Variants in OR10R2 observed in about 807,000 individuals in gnomAD.
OR10R2 encodes the protein olfactory receptor family 10 subfamily R member 2.
Under a neutral mutation model 2.4 loss-of-function variants are expected in OR10R2, and 1 was observed. The ratio of observed to expected loss-of-function variants is 0.41; its 90% CI spans 0.15 to 1.95. OR10R2 has a LOEUF of 1.95. Ranked by LOEUF, OR10R2 falls within the 30% of genes most tolerant of loss-of-function variation. The pLI is 0.30. For synonymous variants in OR10R2, 166 were observed against 144.8 expected, an observed-to-expected ratio of 1.15 and a Z score of -1.05; for missense variants, 419 against 373.0, an observed-to-expected ratio of 1.12 and a Z score of -1.01.
chr1:158,473,623 G>A (rs1241546114), intron 1 of OR10R2, among the ~76,000 whole-genome samples: 1 of 152,172 alleles, frequency 6.6e-6, no homozygotes, highest in Non-Finnish European at 1.5e-5. Flanking sequence ...AGTTCCATAA[G>A]ATTAAAACAT....
chr1:158,480,173 C>T (rs1394083269), exon 2 of OR10R2: 5 of 1,614,020 alleles, frequency 3.1e-6, no homozygotes, highest in Non-Finnish European at 4.2e-6. Context: ...GTCATTCTAC[C>T]CAAGATGCTC....
At position 158,477,117 on chromosome 1, in the gene OR10R2, A is replaced by C. The variant is rs1656287034; in HGVS notation, c.28-2821A>C. ...TATGATCATCTCAATAGATGCAGAA[A>C]ATTTTCAATAAAATCTAACGTCCCT... On this transcript the variant is annotated intron_variant, in intron 1 of 1. Coordinates refer to ENST00000641067, the Ensembl canonical transcript of OR10R2. Among the ~76,000 whole-genome samples, 3 of 152,282 alleles carry C rather than the reference A, an allele frequency of 2.0e-5. No homozygotes were observed. The South Asian group carries it at 6.2e-4, about 32-fold the overall frequency.
intron 1 of OR10R2, among the ~76,000 whole-genome samples, chr1:158,474,124 A>G (rs1368521454): frequency 6.6e-6 from 1 of 151,966 alleles, no homozygotes; most frequent in African/African-American, 2.4e-5. Flanking sequence ...TAAAATGTAA[A>G]TTTAAATGTC....
At position 158,473,721 on chromosome 1, in the gene OR10R2, T is replaced by TTCCCTTTCTTTCCTTCCCTTTCCC. The variant is rs1389103715; in HGVS notation, c.27+1381_27+1404dup. Among the ~76,000 whole-genome samples, 11 of 151,864 alleles carry TTCCCTTTCTTTCCTTCCCTTTCCC rather than the reference T, an allele frequency of 7.2e-5. 1 individual carries two copies. The highest frequency in any genetic ancestry group is 2.7e-4 in the African/African-American group (11 of 41,324). On this transcript the variant is annotated intron_variant, in intron 1 of 1. Coordinates refer to ENST00000641067, the Ensembl canonical transcript of OR10R2. ...TTCCTTGTCTTTCCTTCCTTTTTTCTTCCCTTTCTTTCCTTCCCTTTCCCT... is the reference window on the plus strand; with the variant it reads ...TTCCTTGTCTTTCCTTCCTTTTTTCTTCCCTTTCTTTCCTTCCCTTTCCCTCCCTTTCTTTCCTTCCCTTTCCCT...
chr1:158,474,352 G>A (rs1319460652), intron 1 of OR10R2: 2 of 152,044 alleles, frequency 1.3e-5, no homozygotes, highest in Non-Finnish European at 2.9e-5. Flanking sequence ...ATGAAAAACA[G>A]AATGAAACAA....
At chr1:158,477,894 A>G (rs1329419146) in intron 1 of OR10R2, among the ~76,000 whole-genome samples, 1 of 152,138 alleles carries the variant, frequency 6.6e-6, no homozygotes, top group East Asian at 1.9e-4. Context: ...CATACTAGCC[A>G]ACTTCAAACT....
chr1:158,472,711 G>A (rs10908650), intron 1 of OR10R2, among the ~76,000 whole-genome samples: 90,903 of 151,994 alleles, frequency 0.6, 27,409 homozygotes, highest in African/African-American at 0.63. Flanking sequence ...CTACAAATAC[G>A]TGACAGCAAA....
exon 2 of OR10R2, chr1:158,480,887 A>T (rs752814423): frequency 1.1e-5 from 13 of 1,212,892 alleles, no homozygotes; most frequent in Non-Finnish European, 1.5e-5. Flanking sequence ...TATAATTGAA[A>T]TATTATTACA....
At chr1:158,472,935 T>C (rs994359246) in intron 1 of OR10R2, among the ~76,000 whole-genome samples, 7 of 152,346 alleles carry the variant, frequency 4.6e-5, no homozygotes, top group East Asian at 1.9e-4. Context: ...TTTTTACTTA[T>C]GTTGTCCATT....
At chr1:158,479,945 C>G (rs768912180) in exon 2 of OR10R2, 1 of 1,613,986 alleles carries the variant, frequency 6.2e-7, no homozygotes. Flanking sequence ...CAGATCTTGG[C>G]AGAAAACCTC....
At chr1:158,475,726 A>C (rs1320674769) in intron 1 of OR10R2, among the ~76,000 whole-genome samples, 1 of 151,604 alleles carries the variant, frequency 6.6e-6, no homozygotes, top group African/African-American at 2.4e-5. Flanking sequence ...TTTATTTTAC[A>C]CCAATTGTTG....
chr1:158,477,621 G>A (rs1196567477), intron 1 of OR10R2, among the ~76,000 whole-genome samples: 6 of 151,854 alleles, frequency 4.0e-5, no homozygotes, highest in Non-Finnish European at 8.8e-5. Flanking sequence ...TCTACAAGGA[G>A]AACTAAAAAA....
exon 2 of OR10R2, chr1:158,479,996 T>C: frequency 1.2e-6 from 2 of 1,613,902 alleles, no homozygotes; most frequent in South Asian, 2.2e-5. Context: ...TTTTCCAGCC[T>C]TGGTGAAATT....
exon 2 of OR10R2, chr1:158,480,338 C>A: frequency 6.2e-7 from 1 of 1,614,144 alleles, no homozygotes; most frequent in South Asian, 1.1e-5. Flanking sequence ...CATTACCCCA[C>A]TCTTATGAGC....
chr1:158,479,291 GT>G (rs1656330467), intron 1 of OR10R2, among the ~76,000 whole-genome samples: 1 of 152,108 alleles, frequency 6.6e-6, no homozygotes, highest in African/African-American at 2.4e-5. Flanking sequence ...TAAGAATTAT[GT>G]TGACTACATA....
chr1:158,479,782 A>G (rs1656344833), intron 1 of OR10R2, 156 bp from the exon 2 acceptor site: 2 of 709,906 alleles, frequency 2.8e-6, no homozygotes, highest in East Asian at 2.5e-5. Context: ...GAAGAGGACC[A>G]TGAACCAATG....
intron 1 of OR10R2, among the ~76,000 whole-genome samples, chr1:158,475,309 G>C (rs1656249804): frequency 6.6e-6 from 1 of 151,738 alleles, no homozygotes; most frequent in South Asian, 2.1e-4. Context: ...ATAGAATATT[G>C]GAATAAATTA....
intron 1 of OR10R2, among the ~76,000 whole-genome samples, chr1:158,476,305 T>C (rs1656267161): frequency 1.3e-5 from 2 of 152,052 alleles, no homozygotes; most frequent in South Asian, 2.1e-4. Flanking sequence ...CCCAGCACTT[T>C]GGGAGTCCGA....
In OR10R2 at chr1:158,480,305, A is replaced by T. The variant is rs750568858; in HGVS notation, c.395A>T (p.Tyr132Phe). 106 of 1,613,974 alleles carry T rather than the reference A, an allele frequency of 6.6e-5. No homozygotes were observed. The highest frequency in any genetic ancestry group is 8.6e-5 in the Non-Finnish European group (102 of 1,180,008). The change falls in exon 2 of 2, where the codon TAT becomes TTT. Residue 132 changes from tyrosine (Y) to phenylalanine (F), a missense_variant. Tyr to Phe is a conservative substitution (Grantham distance 22, BLOSUM62 3). Transcript: ENST00000641067. The stretch of plus-strand genomic sequence containing the variant: ...TTGGGTGTGATGGGTTATGATCGCT[A>T]TGCTGCCATTTGTCACCCTCTGCAT...
Sources: allele counts gnomAD v4.1 joint callset (sites outside exome capture counted in the v4.1 genomes callset), GRCh38; gene constraint gnomAD v4.1.1; transcripts MANE v1.5; gene names NCBI Gene and HGNC (gene_info 2026-07-23, HGNC 2026-07-21).